PRUNE2: variants seen among roughly 807,000 people sequenced by gnomAD.
PRUNE2 encodes the protein prune homolog 2 with BCH domain.
Under a neutral mutation model 252.0 loss-of-function variants are expected in PRUNE2, and 164 were observed. That is an observed-to-expected ratio of 0.65 (90% confidence interval 0.57 to 0.74). The LOEUF is 0.74. Ranked by LOEUF, PRUNE2 falls within the 30% of genes least tolerant of loss-of-function variation. The probability of loss-of-function intolerance (pLI) is 0.00; values close to 1 mark genes in which losing one functional copy is unlikely to be tolerated. For synonymous variants in PRUNE2, 1,292 were observed against 1,350.2 expected (o/e 0.96, Z 0.94); for missense variants, 3,495 against 3,711.0 (o/e 0.94, Z 1.51).
chr9:76,831,218 C>G (rs2058657778), intron 4 of PRUNE2, among the ~76,000 whole-genome samples: 3 of 151,750 alleles, frequency 2.0e-5, no homozygotes, highest in Non-Finnish European at 4.4e-5. Flanking sequence ...CTTGAGCCAC[C>G]GCACCCAGCC....
At chr9:76,838,964 CATTTATTTATTTACTT>C (rs1554800349) in intron 4 of PRUNE2, among the ~76,000 whole-genome samples, 1 of 151,990 alleles carries the variant, frequency 6.6e-6, no homozygotes, top group Non-Finnish European at 1.5e-5. Context: ...GGCTAAAATA[CATTTATTTATTTACTT>C]ATTTATTTAT....
At chr9:76,696,770 G>A (rs1201189089) in intron 9 of PRUNE2, among the ~76,000 whole-genome samples, 1 of 152,216 alleles carries the variant, frequency 6.6e-6, no homozygotes, top group Non-Finnish European at 1.5e-5. Flanking sequence ...GGAGATGCGG[G>A]GGAAGAGGCG....
chr9:76,864,032 G>A (rs903901912), intron 1 of PRUNE2, among the ~76,000 whole-genome samples: 34 of 152,054 alleles, frequency 2.2e-4, no homozygotes, highest in African/African-American at 8.2e-4. Context: ...CAAAGGCATG[G>A]AATCAATCTA....
chr9:76,802,656 C>T (rs1220109447), intron 6 of PRUNE2, among the ~76,000 whole-genome samples: 3 of 151,774 alleles, frequency 2.0e-5, no homozygotes, highest in Admixed American at 6.6e-5. Context: ...TGCAAATATC[C>T]AAAACTAAAA....
chr9:76,768,884 TACC>T (rs1303942514), intron 6 of PRUNE2, among the ~76,000 whole-genome samples: 1 of 152,194 alleles, frequency 6.6e-6, no homozygotes, highest in East Asian at 1.9e-4. Flanking sequence ...GCATAATTCC[TACC>T]ACCAAAAACG....
intron 5 of PRUNE2, among the ~76,000 whole-genome samples, chr9:76,823,956 T>C (rs1021325959): frequency 1.3e-5 from 2 of 152,080 alleles, no homozygotes; most frequent in African/African-American, 4.8e-5. Context: ...CAAAAGAAGA[T>C]GTGTTAATGG....
intron 6 of PRUNE2, among the ~76,000 whole-genome samples, chr9:76,821,642 C>A (rs1564374002): frequency 6.6e-6 from 1 of 152,042 alleles, no homozygotes; most frequent in South Asian, 2.1e-4. Context: ...ACTGTGTACC[C>A]TTCTTTATTA....
chr9:76,798,807 C>T (rs1368855518), intron 6 of PRUNE2, among the ~76,000 whole-genome samples: 3 of 152,082 alleles, frequency 2.0e-5, no homozygotes, highest in Admixed American at 2.0e-4. Flanking sequence ...CTATACTAAA[C>T]GGTGTGAGTT....
intron 9 of PRUNE2, among the ~76,000 whole-genome samples, chr9:76,673,655 A>G (rs1330389106): frequency 1.1e-4 from 17 of 150,560 alleles, no homozygotes; most frequent in African/African-American, 3.7e-4. Context: ...AAAATCCTCA[A>G]TAAAATACTG....
At chr9:76,628,087 G>T (rs1835732691) in intron 16 of PRUNE2, among the ~76,000 whole-genome samples, 1 of 151,910 alleles carries the variant, frequency 6.6e-6, no homozygotes, top group South Asian at 2.1e-4. Context: ...TGAGCTAATG[G>T]TTAAGTCCCT....
intron 6 of PRUNE2, among the ~76,000 whole-genome samples, chr9:76,807,055 C>CGT (rs2057010354): frequency 2.6e-5 from 3 of 115,584 alleles, no homozygotes; most frequent in African/African-American, 1.2e-4. Context: ...TGTGTGTGCG[C>CGT]GCGCGCGTGT....
intron 6 of PRUNE2, among the ~76,000 whole-genome samples, chr9:76,780,658 T>C (rs1336291108): frequency 1.3e-5 from 2 of 152,142 alleles, no homozygotes; most frequent in African/African-American, 4.8e-5. Flanking sequence ...CCCACTGCAC[T>C]CCAGCCTGGG....
At chr9:76,795,294 C>T (rs1437947676) in intron 6 of PRUNE2, among the ~76,000 whole-genome samples, 1 of 152,168 alleles carries the variant, frequency 6.6e-6, no homozygotes, top group Non-Finnish European at 1.5e-5. Flanking sequence ...GCTTCAAAGA[C>T]ATCACACCGT....
At chr9:76,677,756 G>A (rs1360074336) in intron 9 of PRUNE2, among the ~76,000 whole-genome samples, 6 of 152,076 alleles carry the variant, frequency 3.9e-5, no homozygotes, top group Admixed American at 2.0e-4. Context: ...AGGCCCCAGT[G>A]ACTTTCCTGG....
At chr9:76,898,833 C>T (rs2062999199) in intron 1 of PRUNE2, among the ~76,000 whole-genome samples, 1 of 152,186 alleles carries the variant, frequency 6.6e-6, no homozygotes, top group South Asian at 2.1e-4. Context: ...TTCAAAAAGA[C>T]TCTGGCATTA....
chr9:76,624,451 C>T lies in PRUNE2; in HGVS notation c.9188+1G>A. Reference sequence around the variant, plus strand: ...GCCGCTAAACGAAAACCAAGTCTTACTTAGCTGCCTCTGATGCTTCCCTCA... The same window carrying T: ...GCCGCTAAACGAAAACCAAGTCTTATTTAGCTGCCTCTGATGCTTCCCTCA... On this transcript the variant is annotated splice_donor_variant, in intron 17 of 18. Coordinates refer to ENST00000376718, the MANE Select transcript of PRUNE2 (RefSeq NM_015225.3). LOFTEE classifies it high-confidence loss of function. 1.4e-6 allele frequency: 2 copies of T among 1,428,022 alleles called. No individual in the cohort carries two copies. The highest frequency in any genetic ancestry group is 1.5e-5 in the African/African-American group (1 of 68,964). 88.5% of individuals were successfully genotyped at this position (1,428,022 alleles called of 1,614,324 possible).
chr9:76,854,440 T>G lies in PRUNE2; in HGVS notation c.37-232A>C, dbSNP rs2060132362. On this transcript the variant is annotated intron_variant, in intron 1 of 18. Coordinates refer to ENST00000376718, the MANE Select transcript of PRUNE2 (RefSeq NM_015225.3). ...TTCTGGAAGAGAAAATGTGGTTTTA[T>G]TAAGATTACACATAATTTAACTTCA... Among the ~76,000 whole-genome samples, 3 of 152,246 alleles carry G rather than the reference T, an allele frequency of 2.0e-5. No homozygotes were observed. The South Asian group carries it at 6.2e-4, about 32-fold the overall frequency.
chr9:76,837,500 C>T (rs1315414372), intron 4 of PRUNE2, among the ~76,000 whole-genome samples: 1 of 141,026 alleles, frequency 7.1e-6, no homozygotes, highest in Non-Finnish European at 1.6e-5. Context: ...ATCCCATACA[C>T]TGATTGAGGA....
intron 12 of PRUNE2, chr9:76,644,364 G>C: frequency 4.0e-6 from 1 of 247,236 alleles, no homozygotes; most frequent in South Asian, 4.4e-5. Context: ...GCACCTCGGG[G>C]GTAGTGTTAT....
Sources: gnomAD v4.1 joint callset for allele counts (sites outside exome capture counted in the v4.1 genomes callset) on GRCh38, gnomAD v4.1.1 for gene constraint, MANE v1.5 for transcripts, NCBI Gene and HGNC (gene_info 2026-07-23, HGNC 2026-07-21) for gene names.